UBTD1: variants seen among roughly 807,000 people sequenced by gnomAD.
The protein encoded by UBTD1 is ubiquitin domain-containing protein 1.
In UBTD1, 19 loss-of-function variants were observed where a neutral mutation model predicts 21.7. The ratio of observed to expected loss-of-function variants is 0.87; its 90% CI spans 0.61 to 1.28. The LOEUF (loss-of-function observed/expected upper bound fraction) is 1.28, where lower values mean the gene tolerates loss of function less well. UBTD1 is among the 50% of genes most tolerant of loss of function. The pLI is 0.00. For synonymous variants in UBTD1, 116 were observed against 135.1 expected, an observed-to-expected ratio of 0.86 and a Z score of 0.98; for missense variants, 282 against 315.1, an observed-to-expected ratio of 0.89 and a Z score of 0.80.
chr10:97,540,784 C>T (rs1226929980), intron 1 of UBTD1, among the ~76,000 whole-genome samples: 1 of 152,186 alleles, frequency 6.6e-6, no homozygotes, highest in Non-Finnish European at 1.5e-5. Context: ...ATGAAGGAGA[C>T]CACCTGCTGC....
chr10:97,542,495 C>T (rs575790593), intron 1 of UBTD1, among the ~76,000 whole-genome samples: 3 of 152,316 alleles, frequency 2.0e-5, no homozygotes, highest in African/African-American at 7.2e-5. Context: ...ATCTGGAGGG[C>T]CCTGGCTCAG....
At chr10:97,551,439 G>C (rs1008114186) in intron 1 of UBTD1, among the ~76,000 whole-genome samples, 1 of 152,038 alleles carries the variant, frequency 6.6e-6, no homozygotes, top group Admixed American at 6.6e-5. Flanking sequence ...TTGCGGAAAC[G>C]CATGCTTTTT....
intron 1 of UBTD1, 70 bp from the exon 2 acceptor site, chr10:97,567,844 G>A (rs2040725216): frequency 1.4e-6 from 2 of 1,477,068 alleles, no homozygotes; most frequent in Admixed American, 1.9e-5. Flanking sequence ...GGGAGGGGAG[G>A]GGAGGGGGAG....
intron 1 of UBTD1, among the ~76,000 whole-genome samples, chr10:97,528,310 CA>C (rs2040502766): frequency 7.1e-6 from 1 of 140,620 alleles, no homozygotes. Context: ...GGCTGACCCC[CA>C]ACCTCCCTCC....
chr10:97,531,050 A>G (rs1185811135), intron 1 of UBTD1, among the ~76,000 whole-genome samples: 3 of 150,218 alleles, frequency 2.0e-5, no homozygotes, highest in South Asian at 4.2e-4. Context: ...ACCACGCCCA[A>G]CTAATTTTTT....
intron 1 of UBTD1, among the ~76,000 whole-genome samples, chr10:97,548,121 T>C (rs1408223157): frequency 2.0e-5 from 3 of 152,178 alleles, no homozygotes; most frequent in Non-Finnish European, 2.9e-5. Context: ...ACAAAGGTGG[T>C]TAGCAGCCAA....
intron 1 of UBTD1, among the ~76,000 whole-genome samples, chr10:97,563,167 A>T (rs2040701157): frequency 1.3e-5 from 2 of 152,244 alleles, no homozygotes; most frequent in Admixed American, 1.3e-4. Context: ...AAGGAGAAAA[A>T]CAGGTATTAA....
chr10:97,522,448 T>C (rs2040470442), intron 1 of UBTD1, among the ~76,000 whole-genome samples: 2 of 152,244 alleles, frequency 1.3e-5, no homozygotes, highest in Admixed American at 1.3e-4. Context: ...GAGAAGTTTG[T>C]TTCCTTTAGG....
At chr10:97,548,166 T>C (rs1262606132) in intron 1 of UBTD1, among the ~76,000 whole-genome samples, 1 of 152,194 alleles carries the variant, frequency 6.6e-6, no homozygotes, top group Non-Finnish European at 1.5e-5. Flanking sequence ...GAAGCCCACA[T>C]GTGAGTAGCC....
chr10:97,517,719 G>A (rs762784985), intron 1 of UBTD1, among the ~76,000 whole-genome samples: 8 of 152,136 alleles, frequency 5.3e-5, no homozygotes, highest in Non-Finnish European at 1.0e-4. Context: ...ATCTCAGGCC[G>A]GTGACCCTGC....
At position 97,543,269 on chromosome 10, in the gene UBTD1, G is replaced by A. The variant is rs2040594614; in HGVS notation, c.71-24645G>A. Reference sequence around the variant, plus strand: ...ATGGCTTGGGAAGGAAACCAGGGAGGATGCTGGTCTGACAGCTCTGGTGAG... The same window carrying A: ...ATGGCTTGGGAAGGAAACCAGGGAGAATGCTGGTCTGACAGCTCTGGTGAG... On this transcript the variant is annotated intron_variant, in intron 1 of 2. Transcript: ENST00000370664. 2.0e-5 allele frequency among the ~76,000 whole-genome samples: 3 copies of A among 152,242 alleles called. No homozygotes were observed. In the South Asian group the frequency reaches 6.2e-4, roughly 32 times the overall value.
At chr10:97,532,798 AAAAGAAAGAAAG>A (rs71007346) in intron 1 of UBTD1, among the ~76,000 whole-genome samples, 4,304 of 149,036 alleles carry the variant, frequency 0.029, 153 homozygotes, top group East Asian at 0.077. Flanking sequence ...CTCAAAAAAA[AAAAGAAAGAAAG>A]AAAGAAAGAA....
At chr10:97,499,702 A>T (rs2040330897) in intron 1 of UBTD1, among the ~76,000 whole-genome samples, 1 of 152,204 alleles carries the variant, frequency 6.6e-6, no homozygotes, top group South Asian at 2.1e-4. Flanking sequence ...CGCTCCTTCC[A>T]AAGACTGTGT....
chr10:97,569,968 G>T (rs2040737200), intron 2 of UBTD1, among the ~76,000 whole-genome samples, 170 bp from the exon 3 acceptor site: 1 of 151,982 alleles, frequency 6.6e-6, no homozygotes, highest in Non-Finnish European at 1.5e-5. Context: ...GAAGGTCAGG[G>T]CCCCACGCTA....
rs375876624 is a variant in UBTD1, at chr10:97,568,198, G to A, written c.298+57G>A. The A allele has an allele frequency of 8.4e-5, 133 of 1,585,558 alleles. No homozygotes were observed. In the South Asian group the frequency reaches 1.4e-3, roughly 16 times the overall value. On this transcript the variant is annotated intron_variant, in intron 2 of 2. Transcript: ENST00000370664. ...CTGGAGCTAGGGGGTCACCAGCACAGTTTGAGGGTGTTGAGGAGTGTGGAG... is the reference window on the plus strand; with the variant it reads ...CTGGAGCTAGGGGGTCACCAGCACAATTTGAGGGTGTTGAGGAGTGTGGAG...
intron 1 of UBTD1, among the ~76,000 whole-genome samples, chr10:97,524,982 G>A (rs760262632): frequency 3.9e-5 from 6 of 152,218 alleles, no homozygotes; most frequent in Non-Finnish European, 8.8e-5. Flanking sequence ...GTGTGGCCAT[G>A]AAGAAGGGGA....
At chr10:97,535,565 A>G (rs1369628263) in intron 1 of UBTD1, among the ~76,000 whole-genome samples, 1 of 152,172 alleles carries the variant, frequency 6.6e-6, no homozygotes, top group African/African-American at 2.4e-5. Context: ...CAGTGAGCAG[A>G]CATTGAGCCA....
chr10:97,528,337 G>A (rs900188388), intron 1 of UBTD1, among the ~76,000 whole-genome samples: 1 of 135,082 alleles, frequency 7.4e-6, no homozygotes, highest in African/African-American at 2.8e-5. Flanking sequence ...GGGGCGGCTC[G>A]CCTGGCGGGG....
At chr10:97,512,201 C>T (rs79755544) in intron 1 of UBTD1, among the ~76,000 whole-genome samples, 5,389 of 152,260 alleles carry the variant, frequency 0.035, 258 homozygotes, top group African/African-American at 0.11. Flanking sequence ...ATCCCTGGCC[C>T]CTGGCCCAGG....
Sources: allele counts gnomAD v4.1 joint callset (sites outside exome capture counted in the v4.1 genomes callset), GRCh38; gene constraint gnomAD v4.1.1; transcripts MANE v1.5; gene names NCBI Gene and HGNC (gene_info 2026-07-23, HGNC 2026-07-21).